The following SEC24A variants were observed in gnomAD, a reference collection of about 807,000 sequenced individuals.
SEC24A encodes protein transport protein Sec24A.
SEC24A carries 93 observed loss-of-function variants against 129.4 expected under a neutral mutation model. The ratio of observed to expected loss-of-function variants is 0.72; its 90% CI spans 0.61 to 0.85. The LOEUF (loss-of-function observed/expected upper bound fraction) is 0.85, where lower values mean the gene tolerates loss of function less well. Among genes scored for constraint, SEC24A ranks in the 40% least tolerant of loss-of-function variants. SEC24A has a pLI of 0.00. For missense variants in SEC24A, 1,264 were observed against 1,307.4 expected, an observed-to-expected ratio of 0.97 and a Z score of 0.51; for synonymous variants, 460 against 467.3, an observed-to-expected ratio of 0.98 and a Z score of 0.20.
Position 134,721,007 on chromosome 5 carries a change from C to A in SEC24A, c.2980C>A (p.Leu994Ile). The change falls in exon 21 of 23, where the codon CTT (leucine) becomes ATT (isoleucine). Residue 994 changes from leucine to isoleucine, a missense_variant. Coordinates refer to ENST00000398844, the MANE Select transcript of SEC24A (RefSeq NM_021982.3). ...FLMDAGSVLM[L>I]WVGKNCTQNF... ...TTATTCCTGTCCCTAGGTACTGATG[C>A]TTTGGGTTGGAAAAAATTGTACACA... The A allele has an allele frequency of 6.2e-7, 1 of 1,607,764 alleles. No individual in the cohort carries two copies. Among genetic ancestry groups the A allele is most frequent in the Non-Finnish European group, 8.5e-7 (1 of 1,174,494 alleles).
chr5:134,712,052 T>C (rs1752342913), intron 18 of SEC24A, among the ~76,000 whole-genome samples: 1 of 151,928 alleles, frequency 6.6e-6, no homozygotes, highest in Admixed American at 6.6e-5. Context: ...TGGCCGGTTT[T>C]GAACTCCTGA....
At chr5:134,673,420 A>T (rs966025018) in intron 4 of SEC24A, among the ~76,000 whole-genome samples, 1 of 152,120 alleles carries the variant, frequency 6.6e-6, no homozygotes, top group Non-Finnish European at 1.5e-5. Flanking sequence ...AGTACATGAT[A>T]TGAAAGTAAA....
intron 2 of SEC24A, among the ~76,000 whole-genome samples, chr5:134,663,063 A>G (rs1750528658): frequency 6.6e-6 from 1 of 151,978 alleles, no homozygotes; most frequent in African/African-American, 2.4e-5. Context: ...TCAAACTTTG[A>G]TATCATTATC....
chr5:134,672,397 A>C (rs1750897115), intron 4 of SEC24A, among the ~76,000 whole-genome samples: 1 of 152,166 alleles, frequency 6.6e-6, no homozygotes, highest in South Asian at 2.1e-4. Flanking sequence ...CATGTTGGCC[A>C]GGCTGTCCTC....
At chr5:134,712,081 C>T (rs1005952024) in intron 18 of SEC24A, among the ~76,000 whole-genome samples, 1 of 151,974 alleles carries the variant, frequency 6.6e-6, no homozygotes, top group African/African-American at 2.4e-5. Context: ...ATCCACTGGC[C>T]TCGGCCTCCT....
intron 7 of SEC24A, among the ~76,000 whole-genome samples, chr5:134,677,378 A>G (rs1031920484): frequency 3.9e-5 from 6 of 151,916 alleles, no homozygotes; most frequent in Non-Finnish European, 8.8e-5. Flanking sequence ...CTGTGGCCAC[A>G]TACTCTTGAG....
intron 9 of SEC24A, among the ~76,000 whole-genome samples, chr5:134,686,235 CCTT>C (rs1367426402): frequency 3.3e-5 from 5 of 151,396 alleles, no homozygotes; most frequent in Non-Finnish European, 5.9e-5. Context: ...TCCCAGAATC[CCTT>C]CTTTTTTTTT....
chr5:134,649,360 C>T (rs1749970721), intron 1 of SEC24A, 187 bp downstream of exon 1: 1 of 458,040 alleles, frequency 2.2e-6, no homozygotes, highest in African/African-American at 2.0e-5. Flanking sequence ...TCGTCTCAGT[C>T]TTTCACATTT....
At chr5:134,711,748 T>G (rs1290000126) in intron 18 of SEC24A, among the ~76,000 whole-genome samples, 1 of 150,292 alleles carries the variant, frequency 6.7e-6, no homozygotes, top group African/African-American at 2.5e-5. Context: ...CCAGGCTGGT[T>G]TTGAACTCTT....
intron 4 of SEC24A, among the ~76,000 whole-genome samples, chr5:134,673,292 G>T (rs1236930039): frequency 6.6e-6 from 1 of 151,572 alleles, no homozygotes; most frequent in Non-Finnish European, 1.5e-5. Flanking sequence ...CTGACCTTGT[G>T]ATCCACCTAC....
At chr5:134,713,121 C>CG (rs1321987943) in intron 18 of SEC24A, among the ~76,000 whole-genome samples, 4 of 151,612 alleles carry the variant, frequency 2.6e-5, no homozygotes. Context: ...TTAGTAGAGA[C>CG]GGGGTTTCAC....
At chr5:134,654,596 A>G (rs1317907892) in intron 1 of SEC24A, among the ~76,000 whole-genome samples, 1 of 152,072 alleles carries the variant, frequency 6.6e-6, no homozygotes, top group Non-Finnish European at 1.5e-5. Context: ...CCTTAAACTA[A>G]TGGATCTTAA....
chr5:134,701,141 C>A (rs1446513846), intron 15 of SEC24A: 3 of 152,230 alleles, frequency 2.0e-5, no homozygotes, highest in Non-Finnish European at 4.4e-5. Context: ...GCTACCATGC[C>A]TGGCCTAGTT....
At chr5:134,691,885 C>A (rs1751667987) in intron 11 of SEC24A, among the ~76,000 whole-genome samples, 1 of 147,012 alleles carries the variant, frequency 6.8e-6, no homozygotes, top group Non-Finnish European at 1.5e-5. Context: ...TCATGTTAGT[C>A]AAAAAAATTT....
rs191602040 is a variant in SEC24A, at chr5:134,678,582, T to A, written c.1255-1020T>A. On this transcript the variant is annotated intron_variant, in intron 7 of 22. Coordinates refer to ENST00000398844, the MANE Select transcript of SEC24A (RefSeq NM_021982.3). Reference sequence around the variant, plus strand: ...AGCACTGGGATATATATATATATATTTTTTTAATTTATTTCCAAGATGGAG... The same window carrying A: ...AGCACTGGGATATATATATATATATATTTTTAATTTATTTCCAAGATGGAG... Among the ~76,000 whole-genome samples the A allele has an allele frequency of 9.7e-3, 1,442 of 148,446 alleles. 9 individuals carry two copies. Among genetic ancestry groups the A allele is most frequent in the Admixed American group, 0.016 (239 of 15,022 alleles).
rs999968823 is a variant in SEC24A at position 134,671,859 on chromosome 5, G to A, written c.790G>A (p.Asp264Asn). 1.4e-5 allele frequency: 23 copies of A among 1,608,950 alleles called. No individual in the cohort carries two copies. Among genetic ancestry groups the A allele is most frequent in the Admixed American group, 1.2e-4 (7 of 59,302 alleles). The part of the protein sequence containing the change: ...NGSMVVHSSY[D>N]EIEGGGLLAT... Reference sequence around the variant, plus strand: ...ATCTATGGTGGTCCACAGTAGTTACGACGAGATTGAAGGAGGTGGCTTATT... The same window carrying A: ...ATCTATGGTGGTCCACAGTAGTTACAACGAGATTGAAGGAGGTGGCTTATT... Residue 264 changes from aspartate (D) to asparagine (N), a missense_variant, in exon 4 of 23, where the codon GAC becomes AAC. Coordinates refer to ENST00000398844, the MANE Select transcript of SEC24A (RefSeq NM_021982.3).
intron 1 of SEC24A, among the ~76,000 whole-genome samples, chr5:134,650,468 T>G (rs1750008142): frequency 6.6e-6 from 1 of 152,146 alleles, no homozygotes; most frequent in South Asian, 2.1e-4. Context: ...TTGACCACTG[T>G]GGTATGCTGT....
At chr5:134,716,000 G>A (rs1752466857) in intron 19 of SEC24A, among the ~76,000 whole-genome samples, 1 of 152,048 alleles carries the variant, frequency 6.6e-6, no homozygotes, top group Non-Finnish European at 1.5e-5. Flanking sequence ...CCAGTTCAAT[G>A]TAACAGTGTC....
chr5:134,696,440 T>C (rs987541617), intron 13 of SEC24A, among the ~76,000 whole-genome samples: 2 of 152,062 alleles, frequency 1.3e-5, no homozygotes, highest in African/African-American at 2.4e-5. Flanking sequence ...GAAATTATTA[T>C]AGTAGATATA....
Sources: gnomAD v4.1 joint callset for allele counts (sites outside exome capture counted in the v4.1 genomes callset) on GRCh38, gnomAD v4.1.1 for gene constraint, MANE v1.5 for transcripts, NCBI Gene and HGNC (gene_info 2026-07-23, HGNC 2026-07-21) for gene names.